OGA: variants seen among roughly 807,000 people sequenced by gnomAD.
OGA encodes O-GlcNAcase.
A neutral mutation model predicts 102.0 loss-of-function variants in OGA; 21 were observed. The observed-to-expected ratio is 0.21, with a 90% CI of 0.15 to 0.30. The LOEUF is 0.30. Among genes scored for constraint, OGA ranks in the 10% least tolerant of loss-of-function variants. The pLI is 1.00. For synonymous variants in OGA, 408 were observed against 378.2 expected (o/e 1.08, Z -0.91); for missense variants, 765 against 1,107.8 (o/e 0.69, Z 4.39).
At chr10:101,815,872 G>A (rs1413112141) in intron 1 of OGA, among the ~76,000 whole-genome samples, 1 of 140,190 alleles carries the variant, frequency 7.1e-6, no homozygotes, top group Non-Finnish European at 1.5e-5. Flanking sequence ...GTGATGGAAA[G>A]AAAACAAAAA....
chr10:101,794,622 G>A (rs545368333), intron 10 of OGA, among the ~76,000 whole-genome samples: 1 of 152,274 alleles, frequency 6.6e-6, no homozygotes, highest in South Asian at 2.1e-4. Context: ...ACTAAGGAGA[G>A]CCAATTGATG....
Position 101,817,881 on chromosome 10 carries a change from C to T in OGA, c.142G>A (p.Ala48Thr), listed in dbSNP as rs770093035. Residue 48 changes from alanine (A) to threonine (T), a missense_variant, in exon 1 of 16, where the codon GCG becomes ACG. Physicochemically the swap from Ala to Thr is moderately conservative, Grantham distance 58. Coordinates refer to ENST00000361464, the MANE Select transcript of OGA (RefSeq NM_012215.5). ...GEDNPAGAGG[A>T]AVAGAAGGAR... ...CCTCCTGCAGCCCCGGCCACCGCCG[C>T]TCCCCCAGCCCCGGCGGGGTTGTCT... is the stretch of plus-strand genomic sequence containing the variant. The T allele has an allele frequency of 1.3e-6, 2 of 1,554,760 alleles. No homozygotes were observed. The highest frequency in any genetic ancestry group is 1.9e-5 in the Admixed American group (1 of 52,938).
In OGA at chr10:101,818,180, A is replaced by T. The variant is rs2065668001; in HGVS notation, c.-158T>A. On this transcript the variant is annotated 5_prime_UTR_variant, in exon 1 of 16. Coordinates refer to ENST00000361464, the MANE Select transcript of OGA (RefSeq NM_012215.5). ...CCCTTCCCCCTCCCTCTCCGCAGGG[A>T]CCCGAATGCCCGGATGAGAAGGGCG... 3 of 1,350,964 alleles carry T rather than the reference A, an allele frequency of 2.2e-6. No homozygotes were observed. Among genetic ancestry groups the T allele is most frequent in the Non-Finnish European group, 2.8e-6 (3 of 1,054,766 alleles). 83.7% of individuals were successfully genotyped at this position (1,350,964 alleles called of 1,614,324 possible). A position where few individuals can be genotyped will look rare whatever the true frequency, so the allele number is the denominator to read the frequency against.
intron 14 of OGA, among the ~76,000 whole-genome samples, chr10:101,790,177 G>T (rs1489627319): frequency 6.6e-6 from 1 of 151,370 alleles, no homozygotes; most frequent in East Asian, 1.9e-4. Flanking sequence ...TAGTCAGAAG[G>T]CAAGTTATTA....
intron 12 of OGA, 113 bp from the exon 13 acceptor site, chr10:101,791,552 T>A: frequency 1.4e-6 from 1 of 715,944 alleles, no homozygotes; most frequent in Non-Finnish European, 2.4e-6. Flanking sequence ...GTCAGAAACA[T>A]CTATCAGAAA....
chr10:101,797,723 A>G (rs1339635790), intron 10 of OGA: 7 of 582,678 alleles, frequency 1.2e-5, no homozygotes, highest in African/African-American at 1.9e-5. Flanking sequence ...AGAGCAAGTT[A>G]AAGTCAGTAC....
At chr10:101,796,540 T>G (rs1037175566) in intron 10 of OGA, among the ~76,000 whole-genome samples, 7 of 151,756 alleles carry the variant, frequency 4.6e-5, no homozygotes, top group African/African-American at 1.7e-4. Context: ...GACTACAGGT[T>G]TGAGCCGCTG....
intron 10 of OGA, 94 bp from the exon 11 acceptor site, chr10:101,794,092 T>C (rs922434692): frequency 5.0e-6 from 4 of 799,688 alleles, no homozygotes; most frequent in Non-Finnish European, 8.5e-6. Context: ...TTCGTGGAAA[T>C]AACTCTCTAA....
intron 14 of OGA, among the ~76,000 whole-genome samples, chr10:101,790,483 G>A (rs1428026147): frequency 6.6e-6 from 1 of 151,890 alleles, no homozygotes; most frequent in African/African-American, 2.4e-5. Flanking sequence ...CACCACGTTG[G>A]CCGGGCTGGT....
At position 101,814,140 on chromosome 10, in the gene OGA, C is replaced by T. The variant is rs181189226; in HGVS notation, c.200-534G>A. ...GTCAGGAGTTCCAGACCCAGCCTGG[C>T]CAACATGGTGAAACCATGTCTCTAC... is the stretch of plus-strand genomic sequence containing the variant. On this transcript the variant is annotated intron_variant, in intron 1 of 15. Coordinates refer to ENST00000361464, the MANE Select transcript of OGA (RefSeq NM_012215.5). Among the ~76,000 whole-genome samples the T allele has an allele frequency of 9.2e-5, 14 of 152,118 alleles. No homozygotes were observed. The South Asian group carries it at 1.5e-3, about 16-fold the overall frequency.
At chr10:101,786,925 TCTTAGTAGAGA>T (rs1243773990) in intron 15 of OGA, among the ~76,000 whole-genome samples, 1 of 152,020 alleles carries the variant, frequency 6.6e-6, no homozygotes, top group African/African-American at 2.4e-5. Flanking sequence ...CTGCCACCAC[TCTTAGTAGAGA>T]CAGGGTTTCA....
chr10:101,788,802 T>C (rs554820396), intron 14 of OGA, among the ~76,000 whole-genome samples: 2 of 152,270 alleles, frequency 1.3e-5, no homozygotes, highest in Admixed American at 1.3e-4. Flanking sequence ...AAAAGGACAT[T>C]AGCAGAAAAA....
chr10:101,816,340 ACGGG>A (rs1475900965), intron 1 of OGA, among the ~76,000 whole-genome samples: 1 of 152,210 alleles, frequency 6.6e-6, no homozygotes. Context: ...ATACAAGGGC[ACGGG>A]AGGGAGGAGG....
In OGA at chr10:101,810,213, C is replaced by T. The variant is rs2065536054; in HGVS notation, c.451G>A (p.Val151Ile). The change falls in exon 4 of 16, where the codon GTA becomes ATA. Residue 151 changes from valine (V) to isoleucine (I), a missense_variant. Physicochemically the swap from Val to Ile is conservative, Grantham distance 29. Around this residue, in one of 7 missense-constraint regions of OGA, gnomAD observed 165 missense variants for 249.7 expected, o/e 0.66. Transcript: ENST00000361464. ...TCCAATTTACGTTTCAATGTGGATA[C>T]TTCCTTGGGGTTAGAAAAAGTGATA... ...LDITFSNPKE[V>I]STLKRKLDQV... The T allele has an allele frequency of 6.2e-7, 1 of 1,612,144 alleles. No individual in the cohort carries two copies. Among genetic ancestry groups the T allele is most frequent in the Non-Finnish European group, 8.5e-7 (1 of 1,179,022 alleles).
At chr10:101,791,177 T>A in intron 13 of OGA, 89 bp from the exon 14 acceptor site, 1 of 1,388,946 alleles carries the variant, frequency 7.2e-7, no homozygotes, top group South Asian at 1.4e-5. Flanking sequence ...TGTACTTGCA[T>A]GAACTTACGG....
In OGA at chr10:101,800,294, C is replaced by T; in HGVS notation, c.1143G>A (p.Lys381=). 1 of 1,614,100 alleles carries T rather than the reference C, an allele frequency of 6.2e-7. No individual in the cohort carries two copies. The highest frequency in any genetic ancestry group is 8.5e-7 in the Non-Finnish European group (1 of 1,179,936). The change falls in exon 8 of 16, where the codon AAG becomes AAA. Residue 381 remains lysine, a synonymous_variant. Coordinates refer to ENST00000361464, the MANE Select transcript of OGA (RefSeq NM_012215.5). ...CTTGCAACCATTCTGTTAATGCTAGCTTTAGAGCCATCTGTGGACTATAGA... is the reference window on the plus strand; with the variant it reads ...CTTGCAACCATTCTGTTAATGCTAGTTTTAGAGCCATCTGTGGACTATAGA... ...DVLYSPQMAL[K]LALTEWLQEF... is the part of the protein sequence containing the mutation.
rs779377906 is a variant in OGA at position 101,791,681 on chromosome 10, G to GT, written c.2176-243dup. Among the ~76,000 whole-genome samples the GT allele has an allele frequency of 1.2e-3, 181 of 152,280 alleles. 1 individual carries two copies. The highest frequency in any genetic ancestry group is 6.8e-3 in the Middle Eastern group (2 of 294). ...GGCTTTTGCAGAGGATGGTTTTTTT[G>GT]TTTTTTGAGACAAAGTCTTGCTGTC... On this transcript the variant is annotated intron_variant, in intron 12 of 15. Transcript: ENST00000361464.
At chr10:101,806,385 T>C (rs2065474995) in intron 5 of OGA, among the ~76,000 whole-genome samples, 1 of 152,166 alleles carries the variant, frequency 6.6e-6, no homozygotes, top group Non-Finnish European at 1.5e-5. Flanking sequence ...TTTTGTATTT[T>C]AGTAGAGATG....
Position 101,818,248 on chromosome 10 carries a change from T to G in OGA, c.-226A>C, listed in dbSNP as rs908853582. On this transcript the variant is annotated 5_prime_UTR_variant, in exon 1 of 16. Transcript: ENST00000361464. The stretch of plus-strand genomic sequence containing the variant: ...CCTTTGTCAGCCGCAGCCTCGGCTT[T>G]AAGCTGGGGCGCCAGAAGCCTAAGC... 2 of 1,322,442 alleles carry G rather than the reference T, an allele frequency of 1.5e-6. No homozygotes were observed. Among genetic ancestry groups the G allele is most frequent in the African/African-American group, 3.1e-5 (2 of 64,998 alleles). The allele number at this position is 1,322,442 out of a possible 1,614,324, so 81.9% of individuals were successfully genotyped here.
Sources: allele counts gnomAD v4.1 joint callset (sites outside exome capture counted in the v4.1 genomes callset), GRCh38; gene constraint gnomAD v4.1.1; regional missense constraint gnomAD v4.1.1; transcripts MANE v1.5; gene names NCBI Gene and HGNC (gene_info 2026-07-23, HGNC 2026-07-21).